EIF2AK2: variants seen among roughly 807,000 people sequenced by gnomAD.
The protein encoded by EIF2AK2 is interferon-induced, double-stranded RNA-activated protein kinase.
EIF2AK2 carries 40 observed loss-of-function variants against 70.5 expected under a neutral mutation model. The observed-to-expected ratio is 0.57, with a 90% CI of 0.44 to 0.74. The LOEUF is 0.74. Among genes scored for constraint, EIF2AK2 ranks in the 30% least tolerant of loss-of-function variants. The pLI, the probability that EIF2AK2 is intolerant of heterozygous loss-of-function variation, is 0.00. For synonymous variants in EIF2AK2, 198 were observed against 220.9 expected, an observed-to-expected ratio of 0.90 and a Z score of 0.92; for missense variants, 555 against 644.3, an observed-to-expected ratio of 0.86 and a Z score of 1.50.
intron 3 of EIF2AK2, 31 bp from the exon 4 acceptor site, chr2:37,147,004 T>C (rs1418798684): frequency 6.3e-7 from 1 of 1,591,326 alleles, no homozygotes; most frequent in Non-Finnish European, 8.6e-7. Flanking sequence ...CATAAAATAT[T>C]ATACAACTCA....
chr2:37,153,510 T>A (rs1390674824), intron 1 of EIF2AK2, among the ~76,000 whole-genome samples: 2 of 152,072 alleles, frequency 1.3e-5, no homozygotes, highest in Non-Finnish European at 2.9e-5. Flanking sequence ...TAATTTTTTA[T>A]ATTTTCTAAT....
Position 37,120,089 on chromosome 2 carries a change from G to T in EIF2AK2, c.1118C>A (p.Thr373Asn). Reference sequence around the variant, plus strand: ...TCTTTTTTCAATCCATTGTTCCAAGGTCCCTTTATCACAGAATTCCATTTG... The same window carrying T: ...TCTTTTTTCAATCCATTGTTCCAAGTTCCCTTTATCACAGAATTCCATTTG... ...FIQMEFCDKG[T>N]LEQWIEKRRG... The change falls in exon 13 of 17, where the codon ACC (threonine) becomes AAC (asparagine). Residue 373 changes from threonine (T) to asparagine (N), a missense_variant. By Grantham distance (65) the Thr-to-Asn change is moderately conservative. Around this residue, in one of 3 missense-constraint regions of EIF2AK2, gnomAD observed 299 missense variants for 375.4 expected, o/e 0.80. Transcript: ENST00000233057. 6.6e-7 allele frequency: 1 copy of T among 1,509,930 alleles called. No individual in the cohort carries two copies. The highest frequency in any genetic ancestry group is 1.4e-5 in the South Asian group (1 of 73,232). 93.5% of individuals were successfully genotyped at this position (1,509,930 alleles called of 1,614,324 possible). A position where few individuals can be genotyped will look rare whatever the true frequency, so the allele number is the denominator to read the frequency against.
chr2:37,135,630 TTC>T (rs1675101685), intron 9 of EIF2AK2, 84 bp from the exon 10 acceptor site: 1 of 1,288,104 alleles, frequency 7.8e-7, no homozygotes. Flanking sequence ...ACCTTTTTCT[TTC>T]TTTTTTTTTC....
intron 9 of EIF2AK2, 50 bp downstream of exon 9, chr2:37,136,933 C>A: frequency 1.3e-6 from 2 of 1,539,086 alleles, no homozygotes; most frequent in South Asian, 2.4e-5. Context: ...ATAAATAAGT[C>A]TGAAATAAAA....
intron 4 of EIF2AK2, among the ~76,000 whole-genome samples, chr2:37,144,860 G>T (rs1675471489): frequency 1.3e-5 from 2 of 151,538 alleles, no homozygotes; most frequent in African/African-American, 4.9e-5. Flanking sequence ...GGGACTACAG[G>T]CATGAACCAC....
chr2:37,119,441 G>A (rs76592301), intron 13 of EIF2AK2, among the ~76,000 whole-genome samples: 3,676 of 152,180 alleles, frequency 0.024, 78 homozygotes, highest in Non-Finnish European at 0.038. Context: ...GAGGAGGCAG[G>A]AGGAACAGGG....
intron 15 of EIF2AK2, among the ~76,000 whole-genome samples, chr2:37,107,842 T>C (rs1455425213): frequency 6.6e-6 from 1 of 152,138 alleles, no homozygotes; most frequent in African/African-American, 2.4e-5. Flanking sequence ...TTCCCTTTCC[T>C]GAGCTTAAGA....
At chr2:37,125,906 C>G (rs1674712862) in intron 11 of EIF2AK2, among the ~76,000 whole-genome samples, 1 of 152,208 alleles carries the variant, frequency 6.6e-6, no homozygotes, top group Non-Finnish European at 1.5e-5. Context: ...GTTTCCTCAT[C>G]TATAAAATAA....
chr2:37,143,414 T>C (rs1176648385), intron 4 of EIF2AK2, among the ~76,000 whole-genome samples: 1 of 152,150 alleles, frequency 6.6e-6, no homozygotes, highest in African/African-American at 2.4e-5. Flanking sequence ...CACATGTATA[T>C]TGGTTCTCCA....
At chr2:37,109,153 G>C (rs201956480) in intron 15 of EIF2AK2, 41 bp downstream of exon 15, 1 of 1,591,098 alleles carries the variant, frequency 6.3e-7, no homozygotes, top group East Asian at 2.2e-5. Context: ...GTGGTAGTCA[G>C]TAATTTTTCT....
rs34203821 is a variant in EIF2AK2 at position 37,107,042 on chromosome 2, TAA to T, written c.*229_*230del. The T allele has an allele frequency of 3.0e-4, 91 of 307,212 alleles. No individual in the cohort carries two copies. The highest frequency in any genetic ancestry group is 3.3e-4 in the South Asian group (6 of 18,132). 19.0% of individuals were successfully genotyped at this position (307,212 alleles called of 1,614,324 possible). On this transcript the variant is annotated 3_prime_UTR_variant, in exon 17 of 17. Coordinates refer to ENST00000233057, the MANE Select transcript of EIF2AK2 (RefSeq NM_001135651.3). Reference sequence around the variant, plus strand: ...GGGCAACAGAGCGAGACTCTGTCTTTAAAAAAAAAAAAAGAATAAAGAGATGA... The same window carrying T: ...GGGCAACAGAGCGAGACTCTGTCTTTAAAAAAAAAAAGAATAAAGAGATGA...
At chr2:37,132,374 G>A (rs534934812) in intron 10 of EIF2AK2, among the ~76,000 whole-genome samples, 35 of 152,156 alleles carry the variant, frequency 2.3e-4, no homozygotes, top group Non-Finnish European at 1.8e-4. Context: ...GGCGGATCAC[G>A]AGGTCAGGAG....
rs147095651 is a variant in EIF2AK2, at chr2:37,126,861, G to A, written c.786-450C>T. Among the ~76,000 whole-genome samples the A allele has an allele frequency of 9.6e-3, 1,456 of 151,040 alleles. 22 individuals are homozygous for A. The highest frequency in any genetic ancestry group is 0.033 in the African/African-American group (1,373 of 41,108). ...AATCCCAGCTACTTGGAAGGCTGAG[G>A]CAGGAGAATTGCTTGAATCTGGGAG... is the stretch of plus-strand genomic sequence containing the variant. On this transcript the variant is annotated intron_variant, in intron 10 of 16. Transcript: ENST00000233057.
chr2:37,150,208 C>T (rs1573042662), intron 1 of EIF2AK2, among the ~76,000 whole-genome samples: 1 of 147,646 alleles, frequency 6.8e-6, no homozygotes, highest in East Asian at 2.0e-4. Flanking sequence ...TACTTCACAA[C>T]ATTGAAAGCA....
intron 4 of EIF2AK2, among the ~76,000 whole-genome samples, chr2:37,142,281 C>A (rs544776145): frequency 7.1e-4 from 108 of 152,162 alleles, no homozygotes; most frequent in Middle Eastern, 3.4e-3. Flanking sequence ...CAGGCACACA[C>A]CACCATGCCT....
At chr2:37,119,000 G>A (rs1020526513) in intron 13 of EIF2AK2, among the ~76,000 whole-genome samples, 3 of 152,166 alleles carry the variant, frequency 2.0e-5, no homozygotes, top group Non-Finnish European at 4.4e-5. Context: ...AACCAAAGGG[G>A]GCAGGCAGAA....
chr2:37,149,942 A>G (rs1181466437), intron 1 of EIF2AK2, among the ~76,000 whole-genome samples: 8 of 152,224 alleles, frequency 5.3e-5, no homozygotes, highest in Non-Finnish European at 1.2e-4. Context: ...CAAAGATGAA[A>G]GTCCAACAAA....
chr2:37,099,605 A>G lies in EIF2AK2; in HGVS notation c.*7668T>C, dbSNP rs992438570. Reference sequence around the variant, plus strand: ...TCTGAAAGATGGATATAATTTTGATATGCAAAGTTATGAGGAAAGAGTTAC... The same window carrying G: ...TCTGAAAGATGGATATAATTTTGATGTGCAAAGTTATGAGGAAAGAGTTAC... On this transcript the variant is annotated 3_prime_UTR_variant, in exon 17 of 17. Transcript: ENST00000233057. The G allele has an allele frequency of 3.9e-5, 6 of 152,228 alleles. No homozygotes were observed. Among genetic ancestry groups the G allele is most frequent in the Non-Finnish European group, 7.3e-5 (5 of 68,028 alleles). The allele number at this position is 152,228 out of a possible 1,614,324, so 9.4% of individuals were successfully genotyped here. A position where few individuals can be genotyped will look rare whatever the true frequency, so the allele number is the denominator to read the frequency against.
intron 8 of EIF2AK2, among the ~76,000 whole-genome samples, 197 bp downstream of exon 8, chr2:37,138,073 C>A (rs567255862): frequency 2.0e-5 from 3 of 146,540 alleles, no homozygotes; most frequent in South Asian, 2.2e-4. Context: ...CTCACCACTG[C>A]ACTCCAGCCT....
Sources: gnomAD v4.1 joint callset for allele counts (sites outside exome capture counted in the v4.1 genomes callset) on GRCh38, gnomAD v4.1.1 for gene constraint, gnomAD v4.1.1 regional missense constraint, MANE v1.5 for transcripts, NCBI Gene and HGNC (gene_info 2026-07-23, HGNC 2026-07-21) for gene names.